KAZN: variants seen among roughly 807,000 people sequenced by gnomAD.
The protein encoded by KAZN is kazrin, periplakin interacting protein, also known as kazrin.
Under a neutral mutation model 87.4 loss-of-function variants are expected in KAZN, and 40 were observed. The observed-to-expected ratio is 0.46, with a 90% CI of 0.36 to 0.60. The LOEUF is 0.60. Ranked by LOEUF, KAZN falls within the 20% of genes least tolerant of loss-of-function variation. The pLI, the probability that KAZN is intolerant of heterozygous loss-of-function variation, is 0.00. For synonymous variants in KAZN, 466 were observed against 458.3 expected (o/e 1.02, Z -0.22); for missense variants, 898 against 1,073.9 (o/e 0.84, Z 2.29).
chr1:15,115,293 C>G lies in KAZN; in HGVS notation c.*658C>G, dbSNP rs538072008. ...TTGAAGAGCTGTTTGCCGATCCACC[C>G]AGGAGTGGCTACGCTGAGTGGGGAG... On this transcript the variant is annotated 3_prime_UTR_variant, in exon 15 of 15. Coordinates refer to ENST00000376030, the MANE Select transcript of KAZN (RefSeq NM_201628.3). This position sits in a 1 kb window ranked among gnomAD's most constrained non-coding sequence, Gnocchi z 4.1. 1 of 152,346 alleles carries G rather than the reference C, an allele frequency of 6.6e-6. No homozygotes were observed. The highest frequency in any genetic ancestry group is 2.4e-5 in the African/African-American group (1 of 41,456). The allele number at this position is 152,346 out of a possible 1,614,324, so 9.4% of individuals were successfully genotyped here. A position where few individuals can be genotyped will look rare whatever the true frequency, so the allele number is the denominator to read the frequency against.
At chr1:14,501,875 A>G (rs1670273995) in intron 2 of KAZN, among the ~76,000 whole-genome samples, 1 of 152,222 alleles carries the variant, frequency 6.6e-6, no homozygotes, top group South Asian at 2.1e-4. Flanking sequence ...GAATCCAGTC[A>G]TATTGTATGA....
chr1:14,985,245 T>TGGTGGGAGCCCAAGGTGGGAGGCCAA (rs1666674854), intron 2 of KAZN, among the ~76,000 whole-genome samples: 1 of 142,380 alleles, frequency 7.0e-6, no homozygotes, highest in Non-Finnish European at 1.5e-5. Context: ...CCCAGAACTT[T>TGGTGGGAGCCCAAGGTGGGAGGCCAA]GGTGGGAGGC....
intron 1 of KAZN, among the ~76,000 whole-genome samples, chr1:14,828,395 C>T (rs1205370522): frequency 6.6e-6 from 1 of 151,904 alleles, no homozygotes; most frequent in Non-Finnish European, 1.5e-5. Context: ...AATGGAAAAC[C>T]GTGTTTAAAA....
intron 2 of KAZN, among the ~76,000 whole-genome samples, chr1:14,253,121 G>T (rs79348772): frequency 1.6e-5 from 2 of 122,350 alleles, no homozygotes; most frequent in South Asian, 2.8e-4. Flanking sequence ...AGAAAAAAGA[G>T]AAAAAAAAAA....
chr1:14,344,942 G>A (rs79758790), intron 2 of KAZN, among the ~76,000 whole-genome samples: 3,435 of 148,762 alleles, frequency 0.023, 131 homozygotes, highest in African/African-American at 0.08. Context: ...TCCTTGAGAT[G>A]GAGACTGGTT....
intron 1 of KAZN, among the ~76,000 whole-genome samples, chr1:13,937,140 G>A (rs965251911): frequency 1.1e-4 from 17 of 150,960 alleles, no homozygotes; most frequent in African/African-American, 4.1e-4. Context: ...TCTGCCTCCT[G>A]GGTTCAAGTG....
At chr1:14,755,122 G>T (rs182658320) in intron 1 of KAZN, among the ~76,000 whole-genome samples, 1 of 150,740 alleles carries the variant, frequency 6.6e-6, no homozygotes, top group Non-Finnish European at 1.5e-5. Flanking sequence ...GTGTGGTGGC[G>T]TGTGCCCACA....
chr1:15,097,751 G>A (rs1009484188), intron 10 of KAZN, among the ~76,000 whole-genome samples: 16 of 152,154 alleles, frequency 1.1e-4, no homozygotes, highest in Non-Finnish European at 1.2e-4. Context: ...CCAGGAGGCG[G>A]AGGTTGCAGT....
chr1:13,991,453 GA>G (rs1411456702), intron 1 of KAZN, among the ~76,000 whole-genome samples: 4 of 146,536 alleles, frequency 2.7e-5, no homozygotes, highest in Admixed American at 1.4e-4. Flanking sequence ...AAAAAAAGGG[GA>G]AAAAAAGAAA....
intron 2 of KAZN, among the ~76,000 whole-genome samples, chr1:14,392,507 C>T (rs539348353): frequency 6.6e-6 from 1 of 152,218 alleles, no homozygotes; most frequent in East Asian, 1.9e-4. Context: ...GGATATACAG[C>T]ATCCAAGTAG....
intron 2 of KAZN, among the ~76,000 whole-genome samples, chr1:14,322,053 A>G (rs1458517053): frequency 6.6e-6 from 1 of 152,118 alleles, no homozygotes; most frequent in Non-Finnish European, 1.5e-5. Flanking sequence ...AAGACTCAGG[A>G]CTTAATTTTT....
chr1:14,750,536 C>T (rs756990723), intron 1 of KAZN, among the ~76,000 whole-genome samples: 12 of 150,994 alleles, frequency 7.9e-5, no homozygotes, highest in Non-Finnish European at 1.6e-4. Context: ...CTGGGATGCT[C>T]ATTAGCTTTC....
At chr1:14,630,026 G>A (rs1232213414) in intron 1 of KAZN, among the ~76,000 whole-genome samples, 1 of 150,688 alleles carries the variant, frequency 6.6e-6, no homozygotes, top group Non-Finnish European at 1.5e-5. Context: ...TTTCAGCTAC[G>A]AATGCAATGT....
chr1:14,088,535 A>G (rs990706954), intron 1 of KAZN, among the ~76,000 whole-genome samples: 1 of 151,952 alleles, frequency 6.6e-6, no homozygotes, highest in Non-Finnish European at 1.5e-5. Flanking sequence ...TTTGTTAAAG[A>G]TTGTTTTATG....
chr1:14,206,852 G>A (rs551417711), intron 2 of KAZN, among the ~76,000 whole-genome samples: 5 of 151,874 alleles, frequency 3.3e-5, no homozygotes, highest in African/African-American at 1.2e-4. Context: ...TCCTATAACC[G>A]AGCACTCAGG....
chr1:14,251,658 T>C (rs1406696627), intron 2 of KAZN, among the ~76,000 whole-genome samples: 2 of 144,584 alleles, frequency 1.4e-5, no homozygotes, highest in Non-Finnish European at 3.0e-5. Context: ...TTTTTTTTTT[T>C]TTTTTTTTTT....
chr1:14,379,899 G>C (rs989294668), intron 2 of KAZN, among the ~76,000 whole-genome samples: 19 of 152,172 alleles, frequency 1.2e-4, no homozygotes, highest in African/African-American at 4.6e-4. Context: ...CCAAGCAGTG[G>C]TTATAGTGGG....
At chr1:14,566,616 A>T (rs1349801963) in intron 2 of KAZN, among the ~76,000 whole-genome samples, 3 of 152,270 alleles carry the variant, frequency 2.0e-5, no homozygotes, top group Non-Finnish European at 4.4e-5. Context: ...TATTTCATCT[A>T]CACTGAAAAT....
chr1:14,441,440 G>C (rs1445445960), intron 2 of KAZN, among the ~76,000 whole-genome samples: 1 of 152,114 alleles, frequency 6.6e-6, no homozygotes, highest in Non-Finnish European at 1.5e-5. Context: ...CCCTACCCTG[G>C]ACCTGCTGAA....
Sources: allele counts gnomAD v4.1 joint callset (sites outside exome capture counted in the v4.1 genomes callset), GRCh38; gene constraint gnomAD v4.1.1; non-coding constraint Gnocchi (gnomAD v3.1); transcripts MANE v1.5; gene names NCBI Gene and HGNC (gene_info 2026-07-23, HGNC 2026-07-21).